Variants in PIEZO2 observed in about 807,000 individuals in gnomAD.
The protein encoded by PIEZO2 is piezo type mechanosensitive ion channel component 2.
Under a neutral mutation model 337.3 loss-of-function variants are expected in PIEZO2, and 172 were observed. The observed-to-expected ratio is 0.51, with a 90% CI of 0.45 to 0.58. PIEZO2 has a LOEUF of 0.58. Ranked by LOEUF, PIEZO2 falls within the 20% of genes least tolerant of loss-of-function variation. PIEZO2 has a pLI of 0.00. For synonymous variants in PIEZO2, 1,251 were observed against 1,228.5 expected (o/e 1.02, Z -0.38); for missense variants, 3,028 against 3,391.3 (o/e 0.89, Z 2.66).
In PIEZO2 at chr18:10,784,858, G is replaced by A. The variant is rs1236786959; in HGVS notation, c.2418C>T (p.His806=). The change falls in exon 17 of 56, where the codon CAC becomes CAT. Residue 806 remains histidine, a synonymous_variant. Transcript: ENST00000674853. This position sits in a 1 kb window ranked among gnomAD's most constrained non-coding sequence, Gnocchi z 4.5. ...GTTCAAGGAACCGGTCATGGAAGTA[G>A]TGCAGGTGTAAAATGCACACCAGCA... ...SFLLVCILHL[H]YFHDRFLELT... The A allele has an allele frequency of 2.0e-6, 3 of 1,537,772 alleles. No individual in the cohort carries two copies. Among genetic ancestry groups the A allele is most frequent in the Admixed American group, 3.9e-5 (2 of 51,004 alleles).
rs781290868 is a variant in PIEZO2, at chr18:10,828,553, G to C, written c.918-21279C>G. On this transcript the variant is annotated intron_variant, in intron 7 of 55. Transcript: ENST00000674853. This position sits in a 1 kb window ranked among gnomAD's most constrained non-coding sequence, Gnocchi z 4.1. ...ATATACATAAAGGTGTGAGTTCTAG[G>C]TGGATCATTGAATTATTGCAAAGTG... Among the ~76,000 whole-genome samples, 6 of 152,158 alleles carry C rather than the reference G, an allele frequency of 3.9e-5. No individual in the cohort carries two copies. Among genetic ancestry groups the C allele is most frequent in the Non-Finnish European group, 4.4e-5 (3 of 68,024 alleles).
At position 10,891,780 on chromosome 18, in the gene PIEZO2, G is replaced by C. The variant is rs79710340; in HGVS notation, c.329+19406C>G. 9.1e-4 allele frequency among the ~76,000 whole-genome samples: 138 copies of C among 152,230 alleles called. No homozygotes were observed. The East Asian group carries it at 0.024, about 27-fold the overall frequency. ...TTCCAAATTTTTCAGAAATAAAATA[G>C]TAATCAAATGAGTGATAAATAGCTC... On this transcript the variant is annotated intron_variant, in intron 4 of 55. Coordinates refer to ENST00000674853, the MANE Select transcript of PIEZO2 (RefSeq NM_001378183.1).
intron 1 of PIEZO2, among the ~76,000 whole-genome samples, chr18:11,066,745 G>T (rs1258985889): frequency 6.6e-6 from 1 of 152,076 alleles, no homozygotes; most frequent in Admixed American, 6.5e-5. Context: ...GATTACAGGT[G>T]CACCCCACCA....
intron 1 of PIEZO2, among the ~76,000 whole-genome samples, chr18:11,121,095 A>T (rs965080763): frequency 4.6e-5 from 7 of 151,924 alleles, no homozygotes; most frequent in African/African-American, 7.3e-5. Context: ...TCTACTAAAA[A>T]TACAAAAATT....
At position 10,758,081 on chromosome 18, in the gene PIEZO2, C is replaced by T; in HGVS notation, c.3811G>A (p.Glu1271Lys). ...ATGATTCGCACTGCAGCCTTGTTCT[C>T]ATCCTCAAAAATCTGCCGTTGTAAG... ...ASLQRQIFED[E>K]NKAAVRIMAG... The change falls in exon 27 of 56, where the codon GAG becomes AAG. Residue 1271 changes from glutamate (E) to lysine (K), a missense_variant. This residue lies in a region of PIEZO2 where 1,925 missense variants were observed against 2,051.9 expected (regional missense o/e 0.94). Coordinates refer to ENST00000674853, the MANE Select transcript of PIEZO2 (RefSeq NM_001378183.1). 3 of 1,537,596 alleles carry T rather than the reference C, an allele frequency of 2.0e-6. No individual in the cohort carries two copies. Among genetic ancestry groups the T allele is most frequent in the Non-Finnish European group, 2.6e-6 (3 of 1,146,890 alleles).
chr18:10,882,820 A>C (rs1349485715), intron 4 of PIEZO2, among the ~76,000 whole-genome samples: 2 of 144,988 alleles, frequency 1.4e-5, no homozygotes, highest in Admixed American at 7.1e-5. Context: ...CATTGTGCAT[A>C]TGTACCACAT....
Position 10,877,439 on chromosome 18 carries a change from C to T in PIEZO2, c.330-6024G>A, listed in dbSNP as rs562123377. Among the ~76,000 whole-genome samples, 118 of 152,354 alleles carry T rather than the reference C, an allele frequency of 7.7e-4. No individual in the cohort carries two copies. Among genetic ancestry groups the T allele is most frequent in the African/African-American group, 2.6e-3 (109 of 41,586 alleles). ...ACATTAGCATATATCCATTTTCCTA[C>T]TGGATATCTGTACTTCAGTATCCCA... On this transcript the variant is annotated intron_variant, in intron 4 of 55. Coordinates refer to ENST00000674853, the MANE Select transcript of PIEZO2 (RefSeq NM_001378183.1). This position sits in a 1 kb window ranked among gnomAD's most constrained non-coding sequence, Gnocchi z 5.3.
chr18:10,967,973 T>C (rs1235429947), intron 3 of PIEZO2, among the ~76,000 whole-genome samples: 1 of 152,184 alleles, frequency 6.6e-6, no homozygotes, highest in Non-Finnish European at 1.5e-5. Flanking sequence ...GTCCCATCTA[T>C]TTATCTTCGT....
rs182715017 is a variant in PIEZO2 at position 10,788,265 on chromosome 18, G to A, written c.2169+814C>T. Reference sequence around the variant, plus strand: ...AAAAATACAAACATTAGCTGGAGGTGTTGGCACACACTTGGAATCCCAGCT... The same window carrying A: ...AAAAATACAAACATTAGCTGGAGGTATTGGCACACACTTGGAATCCCAGCT... On this transcript the variant is annotated intron_variant, in intron 15 of 55. Transcript: ENST00000674853. Among the ~76,000 whole-genome samples, 32 of 152,070 alleles carry A rather than the reference G, an allele frequency of 2.1e-4. 1 individual carries two copies. In the East Asian group the frequency reaches 5.6e-3, roughly 27 times the overall value.
chr18:10,762,442 A>G, intron 23 of PIEZO2, 58 bp downstream of exon 23: 4 of 1,509,112 alleles, frequency 2.7e-6, no homozygotes, highest in Non-Finnish European at 3.5e-6. Context: ...ATGGAAAAGA[A>G]TCCTGAACTA....
At chr18:10,723,011 A>G (rs941475136) in intron 36 of PIEZO2, among the ~76,000 whole-genome samples, 1 of 120,312 alleles carries the variant, frequency 8.3e-6, no homozygotes, top group Admixed American at 1.2e-4. Flanking sequence ...CTTGTTGCCC[A>G]GGCTGGAGTG....
intron 7 of PIEZO2, among the ~76,000 whole-genome samples, chr18:10,809,563 T>C (rs2040120238): frequency 7.4e-6 from 1 of 134,292 alleles, no homozygotes; most frequent in South Asian, 2.6e-4. Flanking sequence ...CCACCGCACC[T>C]GGCATCTCTC....
In PIEZO2 at chr18:10,857,376, G is replaced by A. The variant is rs982295068; in HGVS notation, c.493-165C>T. On this transcript the variant is annotated intron_variant, in intron 5 of 55. Transcript: ENST00000674853. ...TCCCCTCAGGTCTCTGATAATCCCC[G>A]TATAAGCCCAAGTAACTCTGATCTT... Among the ~76,000 whole-genome samples the A allele has an allele frequency of 5.3e-5, 8 of 152,090 alleles. 1 individual carries two copies. The highest frequency in any genetic ancestry group is 3.3e-4 in the Admixed American group (5 of 15,272).
At position 10,767,905 on chromosome 18, in the gene PIEZO2, T is replaced by C. The variant is rs1321283562; in HGVS notation, c.2946+2243A>G. On this transcript the variant is annotated intron_variant, in intron 21 of 55. Coordinates refer to ENST00000674853, the MANE Select transcript of PIEZO2 (RefSeq NM_001378183.1). The surrounding 1 kb of genome is among the most constrained non-coding windows in gnomAD (Gnocchi z 4.2). ...GCCTCCAGGAGGGCAAGGGCAGGTT[T>C]ACCCGCCAGTTGCCAGCCCAGAGCG... Among the ~76,000 whole-genome samples, 1 of 152,170 alleles carries C rather than the reference T, an allele frequency of 6.6e-6. No individual in the cohort carries two copies. Among genetic ancestry groups the C allele is most frequent in the Admixed American group, 6.5e-5 (1 of 15,286 alleles).
chr18:11,084,176 C>CAAAAAA (rs1161713844), intron 1 of PIEZO2, among the ~76,000 whole-genome samples: 4 of 64,768 alleles, frequency 6.2e-5, no homozygotes, highest in African/African-American at 9.6e-5. Context: ...AACTCTGTCT[C>CAAAAAA]AAAAAAAAAA....
Position 10,783,012 on chromosome 18 carries a change from T to G in PIEZO2, c.2492+1772A>C, listed in dbSNP as rs2039087127. Among the ~76,000 whole-genome samples, 1 of 152,100 alleles carries G rather than the reference T, an allele frequency of 6.6e-6. No individual in the cohort carries two copies. The highest frequency in any genetic ancestry group is 6.5e-5 in the Admixed American group (1 of 15,268). On this transcript the variant is annotated intron_variant, in intron 17 of 55. Transcript: ENST00000674853. This position sits in a 1 kb window ranked among gnomAD's most constrained non-coding sequence, Gnocchi z 4.3. ...ATGGTGAATTATATCTCTGTTTGAT[T>G]GCGTGACAGAAGACTCAGACACATC...
In PIEZO2 at chr18:11,069,511, TAG is replaced by T. The variant is rs983299290; in HGVS notation, c.65-3291_65-3290del. ...GTAAAAATTCTCAACAAATTACATA[TAG>T]AAGAAATGGACTTCAACACAATAAA... On this transcript the variant is annotated intron_variant, in intron 1 of 55. Transcript: ENST00000674853. This position sits in a 1 kb window ranked among gnomAD's most constrained non-coding sequence, Gnocchi z 4.9. 2.6e-5 allele frequency among the ~76,000 whole-genome samples: 4 copies of T among 152,220 alleles called. 1 individual carries two copies. Among genetic ancestry groups the T allele is most frequent in the Middle Eastern group, 6.8e-3 (2 of 294 alleles).
rs1245154654 is a variant in PIEZO2, at chr18:10,837,550, AATATC to A, written c.917+17798_917+17802del. 1.3e-5 allele frequency among the ~76,000 whole-genome samples: 2 copies of A among 152,200 alleles called. No homozygotes were observed. Among genetic ancestry groups the A allele is most frequent in the African/African-American group, 2.4e-5 (1 of 41,454 alleles). On this transcript the variant is annotated intron_variant, in intron 7 of 55. Coordinates refer to ENST00000674853, the MANE Select transcript of PIEZO2 (RefSeq NM_001378183.1). The surrounding 1 kb of genome is among the most constrained non-coding windows in gnomAD (Gnocchi z 4.4). Reference sequence around the variant, plus strand: ...TTGAGAACCACTGGTAGATGGTATCAATATCTCTTCCCAATCCAAAATTCTATGGT... The same window carrying A: ...TTGAGAACCACTGGTAGATGGTATCATCTTCCCAATCCAAAATTCTATGGT...
chr18:10,953,950 T>C lies in PIEZO2; in HGVS notation c.286+25585A>G, dbSNP rs980529825. ...TGGCAGGGAACTGAAGTCTGTCAGA[T>C]TGAGGACCAGGTGGTGTGCAGCTGG... On this transcript the variant is annotated intron_variant, in intron 3 of 55. Transcript: ENST00000674853. This position sits in a 1 kb window ranked among gnomAD's most constrained non-coding sequence, Gnocchi z 5.2. Among the ~76,000 whole-genome samples the C allele has an allele frequency of 2.6e-5, 4 of 152,174 alleles. No individual in the cohort carries two copies. The highest frequency in any genetic ancestry group is 7.2e-5 in the African/African-American group (3 of 41,442).
Sources: allele counts gnomAD v4.1 joint callset (sites outside exome capture counted in the v4.1 genomes callset), GRCh38; gene constraint gnomAD v4.1.1; regional missense constraint gnomAD v4.1.1; non-coding constraint Gnocchi (gnomAD v3.1); transcripts MANE v1.5; gene names NCBI Gene and HGNC (gene_info 2026-07-23, HGNC 2026-07-21).